Variants in HPSE2 observed in about 807,000 individuals in gnomAD.
HPSE2 encodes the protein inactive heparanase-2.
In HPSE2, 38 loss-of-function variants were observed where a neutral mutation model predicts 60.5. That is an observed-to-expected ratio of 0.63 (90% CI 0.48 to 0.82). The LOEUF (loss-of-function observed/expected upper bound fraction) is 0.82, where lower values mean the gene tolerates loss of function less well. HPSE2 is among the 40% of genes least tolerant of loss of function. HPSE2 has a pLI of 0.00. For missense variants in HPSE2, 713 were observed against 740.4 expected, an observed-to-expected ratio of 0.96 and a Z score of 0.43; for synonymous variants, 295 against 293.2, an observed-to-expected ratio of 1.01 and a Z score of -0.06.
rs1217741899 is a variant in HPSE2 at position 99,136,268 on chromosome 10, C to T, written c.610+7970G>A. Among the ~76,000 whole-genome samples, 4 of 151,870 alleles carry T rather than the reference C, an allele frequency of 2.6e-5. No individual in the cohort carries two copies. The East Asian group carries it at 5.8e-4, about 22-fold the overall frequency. The stretch of plus-strand genomic sequence containing the variant: ...ATTAATAGCCTACCAACCAAAAAAA[C>T]GTTGAGGACCAGACAGATTCACAGC... On this transcript the variant is annotated intron_variant, in intron 3 of 11. Coordinates refer to ENST00000370552, the MANE Select transcript of HPSE2 (RefSeq NM_021828.5).
intron 3 of HPSE2, among the ~76,000 whole-genome samples, chr10:98,756,622 A>G (rs1272365885): frequency 6.6e-6 from 1 of 152,172 alleles, no homozygotes; most frequent in Non-Finnish European, 1.5e-5. Context: ...CTGAACAAGG[A>G]ATAAATTGAA....
the HPSE2 span, among the ~76,000 whole-genome samples, chr10:99,267,883 G>T: frequency 2.0e-5 from 3 of 152,068 alleles, no homozygotes; most frequent in Non-Finnish European, 4.4e-5. Flanking sequence ...GTATTTGAGG[G>T]AATAATGGAG....
intron 7 of HPSE2, among the ~76,000 whole-genome samples, chr10:98,625,610 A>G (rs958128995): frequency 6.6e-6 from 1 of 152,224 alleles, no homozygotes; most frequent in Non-Finnish European, 1.5e-5. Context: ...TAAAGTCATC[A>G]ATAGGTCCTT....
At chr10:99,221,664 G>C (rs1027111799) in intron 2 of HPSE2, among the ~76,000 whole-genome samples, 2 of 152,148 alleles carry the variant, frequency 1.3e-5, no homozygotes, top group Non-Finnish European at 2.9e-5. Context: ...TTCAGAAATG[G>C]GTAGAATGTG....
At chr10:99,024,317 C>G (rs892627490) in intron 3 of HPSE2, among the ~76,000 whole-genome samples, 1 of 152,018 alleles carries the variant, frequency 6.6e-6, no homozygotes, top group Non-Finnish European at 1.5e-5. Context: ...GAATAAAAAA[C>G]AATGAAGCAC....
At chr10:98,938,765 C>T (rs1954892826) in intron 3 of HPSE2, among the ~76,000 whole-genome samples, 1 of 143,166 alleles carries the variant, frequency 7.0e-6, no homozygotes, top group South Asian at 2.1e-4. Flanking sequence ...AGAAGAGCAA[C>T]CCCAAGACAC....
chr10:98,962,874 G>C (rs1331590775), intron 3 of HPSE2, among the ~76,000 whole-genome samples: 1 of 152,020 alleles, frequency 6.6e-6, no homozygotes, highest in East Asian at 1.9e-4. Context: ...CAACTTACAA[G>C]GGATGTGAAG....
At chr10:98,790,747 T>C (rs1276407115) in intron 3 of HPSE2, among the ~76,000 whole-genome samples, 1 of 152,186 alleles carries the variant, frequency 6.6e-6, no homozygotes, top group African/African-American at 2.4e-5. Context: ...TGGAGTGTGG[T>C]CAGTATGTAT....
intron 4 of HPSE2, among the ~76,000 whole-genome samples, chr10:98,740,156 G>A (rs1334195569): frequency 6.9e-6 from 1 of 144,540 alleles, no homozygotes; most frequent in Admixed American, 7.4e-5. Context: ...TTTTTGTTTT[G>A]CTTTTGATTT....
chr10:98,736,503 C>T (rs1009132424), intron 4 of HPSE2, among the ~76,000 whole-genome samples: 1 of 152,128 alleles, frequency 6.6e-6, no homozygotes, highest in Admixed American at 6.5e-5. Context: ...CAATGTAATT[C>T]AAACTTCACT....
chr10:98,575,039 A>C (rs955460495), intron 9 of HPSE2, among the ~76,000 whole-genome samples: 2 of 152,166 alleles, frequency 1.3e-5, no homozygotes, highest in African/African-American at 4.8e-5. Flanking sequence ...GGGAAGAGGA[A>C]AGCTGGATAG....
intron 3 of HPSE2, among the ~76,000 whole-genome samples, chr10:98,771,448 T>C (rs1368495681): frequency 6.6e-6 from 1 of 152,162 alleles, no homozygotes; most frequent in Non-Finnish European, 1.5e-5. Context: ...TTGGAAAACC[T>C]GGCAGAAGCC....
intron 9 of HPSE2, among the ~76,000 whole-genome samples, chr10:98,585,616 T>C (rs186192211): frequency 6.6e-6 from 1 of 151,880 alleles, no homozygotes; most frequent in African/African-American, 2.4e-5. Context: ...GTTTATTTGA[T>C]GCCAAATGTT....
chr10:99,034,362 AC>A (rs2135458673), intron 3 of HPSE2, among the ~76,000 whole-genome samples: 1 of 152,286 alleles, frequency 6.6e-6, no homozygotes, highest in African/African-American at 2.4e-5. Context: ...GGAAAGATAA[AC>A]TATCAACAGG....
chr10:98,716,359 C>G (rs1479444693), intron 5 of HPSE2, among the ~76,000 whole-genome samples: 1 of 151,872 alleles, frequency 6.6e-6, no homozygotes, highest in East Asian at 1.9e-4. Flanking sequence ...TTAGGTGCAG[C>G]ACACCAGCAT....
chr10:98,912,175 C>T (rs1953996735), intron 3 of HPSE2, among the ~76,000 whole-genome samples: 1 of 152,090 alleles, frequency 6.6e-6, no homozygotes, highest in Non-Finnish European at 1.5e-5. Flanking sequence ...GGGAAAAATG[C>T]AGAGAGTGGA....
chr10:99,262,004 T>C, the HPSE2 span, among the ~76,000 whole-genome samples: 3 of 152,314 alleles, frequency 2.0e-5, no homozygotes, highest in East Asian at 5.8e-4. Context: ...CCCCTGGAAC[T>C]CTGGCCCGAG....
chr10:98,494,569 A>T (rs932354988), intron 9 of HPSE2, among the ~76,000 whole-genome samples: 2 of 152,246 alleles, frequency 1.3e-5, no homozygotes, highest in African/African-American at 4.8e-5. Context: ...GATATTTAAG[A>T]ATGTTAGCAC....
intron 3 of HPSE2, among the ~76,000 whole-genome samples, chr10:98,940,958 T>C (rs1273893149): frequency 1.7e-4 from 21 of 126,222 alleles, no homozygotes; most frequent in Admixed American, 2.4e-4. Flanking sequence ...TAATCCAGCA[T>C]ATAAACAGAA....
Sources: gnomAD v4.1 joint callset for allele counts (sites outside exome capture counted in the v4.1 genomes callset) on GRCh38, gnomAD v4.1.1 for gene constraint, MANE v1.5 for transcripts, NCBI Gene and HGNC (gene_info 2026-07-23, HGNC 2026-07-21) for gene names.